Variants in CHD1L observed in about 807,000 individuals in gnomAD.
CHD1L encodes chromodomain helicase DNA binding protein 1 like.
Under a neutral mutation model 115.9 loss-of-function variants are expected in CHD1L, and 118 were observed. The ratio of observed to expected loss-of-function variants is 1.02; its 90% confidence interval spans 0.88 to 1.19. CHD1L has a LOEUF of 1.19. CHD1L is among the 50% of genes most tolerant of loss of function. The pLI, the probability that CHD1L is intolerant of heterozygous loss-of-function variation, is 0.00. For synonymous variants in CHD1L, 411 were observed against 387.1 expected (o/e 1.06, Z -0.72); for missense variants, 1,179 against 1,065.3 (o/e 1.11, Z -1.49).
the CHD1L span, chr1:147,186,542 C>A: frequency 9.9e-7 from 1 of 1,005,784 alleles, no homozygotes; most frequent in Non-Finnish European, 1.2e-6. Flanking sequence ...CGATTTTATA[C>A]CGATGCTGAC....
chr1:147,178,821 C>T, the CHD1L span: 2 of 1,603,316 alleles, frequency 1.2e-6, no homozygotes, highest in Non-Finnish European at 1.7e-6. Flanking sequence ...AAAAGTTTAT[C>T]CAGGAAAACA....
the CHD1L span, among the ~76,000 whole-genome samples, chr1:147,224,503 C>T: frequency 6.6e-6 from 1 of 151,994 alleles, no homozygotes; most frequent in Non-Finnish European, 1.5e-5. Flanking sequence ...ATAAGTTTAA[C>T]TATCTTTTTT....
At chr1:147,191,290 A>G in the CHD1L span, among the ~76,000 whole-genome samples, 1 of 151,672 alleles carries the variant, frequency 6.6e-6, no homozygotes, top group East Asian at 1.9e-4. Flanking sequence ...ACTAGTTTAC[A>G]GTCCCACCAA....
intron 14 of CHD1L, among the ~76,000 whole-genome samples, chr1:147,276,872 C>G (rs587765132): frequency 6.6e-6 from 1 of 152,000 alleles, no homozygotes; most frequent in South Asian, 2.1e-4. Flanking sequence ...TGTTTTTGCC[C>G]TAAGGATGAG....
At chr1:147,253,443 C>A (rs6593750) in intron 2 of CHD1L, among the ~76,000 whole-genome samples, 73,464 of 152,024 alleles carry the variant, frequency 0.48, 18,393 homozygotes, top group East Asian at 0.7. Context: ...ATAAAAACTA[C>A]CTACCACCCT....
chr1:147,179,350 G>A, the CHD1L span: 1 of 1,601,970 alleles, frequency 6.2e-7, no homozygotes, highest in Non-Finnish European at 8.6e-7. Context: ...TAAGAACCTG[G>A]AGCCCAAGTA....
At chr1:147,194,658 T>C in the CHD1L span, among the ~76,000 whole-genome samples, 923 of 152,256 alleles carry the variant, frequency 6.1e-3, 16 homozygotes, top group African/African-American at 0.021. Context: ...GTTGTTCCTT[T>C]CCATGTTTAG....
the CHD1L span, among the ~76,000 whole-genome samples, chr1:147,205,736 C>T: frequency 2.6e-5 from 4 of 152,234 alleles, no homozygotes; most frequent in Admixed American, 6.5e-5. Flanking sequence ...AAACTTGATC[C>T]CTTCCTTACA....
chr1:147,278,222 G>GTTTTTTTTTTT (rs71083825), intron 14 of CHD1L, among the ~76,000 whole-genome samples: 12 of 91,162 alleles, frequency 1.3e-4, no homozygotes, highest in South Asian at 4.2e-4. Flanking sequence ...TGTTTTTTGG[G>GTTTTTTTTTTT]TTTTTTTTTT....
At position 147,265,746 on chromosome 1, in the gene CHD1L, T is replaced by A. The variant is rs181625979; in HGVS notation, c.740-186T>A. On this transcript the variant is annotated intron_variant, in intron 7 of 22. Transcript: ENST00000369258. ...TCCTCGTTCTTGGGCTAAGAACAAG[T>A]CATGATTCCAGAAAAAAGATGATCC... 4.0e-3 allele frequency among the ~76,000 whole-genome samples: 608 copies of A among 152,250 alleles called. 4 individuals carry two copies. The highest frequency in any genetic ancestry group is 0.014 in the African/African-American group (587 of 41,542).
At chr1:147,203,030 A>G in the CHD1L span, among the ~76,000 whole-genome samples, 1 of 151,984 alleles carries the variant, frequency 6.6e-6, no homozygotes, top group Non-Finnish European at 1.5e-5. Context: ...TGTAGGTATG[A>G]TTATGTTACT....
chr1:147,209,591 T>C, the CHD1L span: 1 of 153,602 alleles, frequency 6.5e-6, no homozygotes, highest in African/African-American at 2.4e-5. Context: ...GAATATGTTT[T>C]GCTCTAATAC....
the CHD1L span, among the ~76,000 whole-genome samples, chr1:147,195,002 TGAG>T: frequency 2.8e-4 from 42 of 151,408 alleles, no homozygotes; most frequent in East Asian, 7.9e-3. Flanking sequence ...TTGCTCTTCT[TGAG>T]GAGTATCTTT....
At chr1:147,254,062 A>G (rs1199837699) in intron 2 of CHD1L, among the ~76,000 whole-genome samples, 2 of 152,176 alleles carry the variant, frequency 1.3e-5, no homozygotes, top group Non-Finnish European at 2.9e-5. Context: ...GATTTTTCTC[A>G]GAAATAGCTC....
intron 1 of CHD1L, chr1:147,243,034 G>A: frequency 1.9e-6 from 1 of 522,972 alleles, no homozygotes; most frequent in Non-Finnish European, 2.9e-6. Context: ...CGCGGGGCCG[G>A]CGGACGCCAG....
At chr1:147,212,309 T>G in the CHD1L span, 3 of 1,400,096 alleles carry the variant, frequency 2.1e-6, no homozygotes, top group Non-Finnish European at 3.0e-6. Flanking sequence ...GGTATCCCTA[T>G]TCTCTGTTGG....
intron 6 of CHD1L, chr1:147,260,606 ATTC>A (rs1326426336): frequency 1.3e-5 from 2 of 152,104 alleles, no homozygotes; most frequent in Non-Finnish European, 2.9e-5. Context: ...TCTTATTATA[ATTC>A]TTCTTTGTGC....
chr1:147,200,253 T>C, the CHD1L span, among the ~76,000 whole-genome samples: 1 of 152,228 alleles, frequency 6.6e-6, no homozygotes, highest in Admixed American at 6.5e-5. Flanking sequence ...GAAGCTATAC[T>C]GAGTAAATCT....
At chr1:147,195,227 A>G in the CHD1L span, among the ~76,000 whole-genome samples, 1 of 151,996 alleles carries the variant, frequency 6.6e-6, no homozygotes, top group Non-Finnish European at 1.5e-5. Context: ...TTTTTTCTCT[A>G]AACTTCCCTT....
Sources: allele counts gnomAD v4.1 joint callset (sites outside exome capture counted in the v4.1 genomes callset), GRCh38; gene constraint gnomAD v4.1.1; transcripts MANE v1.5; gene names NCBI Gene and HGNC (gene_info 2026-07-23, HGNC 2026-07-21).